KIRREL3: variants seen among roughly 807,000 people sequenced by gnomAD.
KIRREL3 encodes the protein kirre like nephrin family adhesion molecule 3, also known as kin of IRRE-like protein 3.
Under a neutral mutation model 89.7 loss-of-function variants are expected in KIRREL3, and 36 were observed. The observed-to-expected ratio is 0.40, with a 90% CI of 0.31 to 0.53. The LOEUF is 0.53. Among genes scored for constraint, KIRREL3 ranks in the 20% least tolerant of loss-of-function variants. The pLI is 0.49. For synonymous variants in KIRREL3, 445 were observed against 441.4 expected, an observed-to-expected ratio of 1.01 and a Z score of -0.10; for missense variants, 864 against 1,056.6, an observed-to-expected ratio of 0.82 and a Z score of 2.53.
In KIRREL3 at chr11:126,464,635, G is replaced by A. The variant is rs145371606; in HGVS notation, c.592-1328C>T. Among the ~76,000 whole-genome samples the A allele has an allele frequency of 1.7e-3, 263 of 152,250 alleles. 1 individual carries two copies. Among genetic ancestry groups the A allele is most frequent in the African/African-American group, 5.9e-3 (247 of 41,548 alleles). On this transcript the variant is annotated intron_variant, in intron 5 of 16. Transcript: ENST00000525144. The stretch of plus-strand genomic sequence containing the variant: ...AAGAGGAGGATGAGGAGAAGACAGA[G>A]AGAAACAGAGAAGGCCAGGTGAAGG...
intron 1 of KIRREL3, among the ~76,000 whole-genome samples, chr11:126,659,530 C>T (rs1206845886): frequency 6.6e-6 from 1 of 152,238 alleles, no homozygotes; most frequent in Non-Finnish European, 1.5e-5. Flanking sequence ...AAGACTGTCT[C>T]ACCCTGTGTG....
At chr11:126,827,612 C>A (rs1421087467) in intron 1 of KIRREL3, among the ~76,000 whole-genome samples, 8 of 152,154 alleles carry the variant, frequency 5.3e-5, no homozygotes, top group African/African-American at 1.9e-4. Flanking sequence ...GAAAATAAGT[C>A]TAAAGGATTT....
intron 1 of KIRREL3, among the ~76,000 whole-genome samples, chr11:126,722,228 T>G (rs913923151): frequency 1.3e-5 from 2 of 152,194 alleles, no homozygotes; most frequent in Non-Finnish European, 2.9e-5. Flanking sequence ...CATGGCAGAG[T>G]CATTCCACCC....
In KIRREL3 at chr11:126,656,285, C is replaced by A; in HGVS notation, c.56-93373G>T. 2.7e-6 allele frequency: 1 copy of A among 367,112 alleles called. No individual in the cohort carries two copies. The highest frequency in any genetic ancestry group is 5.6e-6 in the Non-Finnish European group (1 of 179,274). The allele number at this position is 367,112 out of a possible 1,614,324, so 22.7% of individuals were successfully genotyped here. ...AGGCTGGTTTCTTAACCATAACCTCCATGATTCAGTTTCTTCATTTGCAAA... is the reference window on the plus strand; with the variant it reads ...AGGCTGGTTTCTTAACCATAACCTCAATGATTCAGTTTCTTCATTTGCAAA... On this transcript the variant is annotated intron_variant, in intron 1 of 16. Transcript: ENST00000525144. The surrounding 1 kb of genome is among the most constrained non-coding windows in gnomAD (Gnocchi z 4.0).
chr11:126,714,067 G>A (rs1379677509), intron 1 of KIRREL3, among the ~76,000 whole-genome samples: 2 of 152,142 alleles, frequency 1.3e-5, no homozygotes, highest in Admixed American at 6.5e-5. Flanking sequence ...GGGCTGGGGA[G>A]GGGAAAGGGA....
chr11:126,663,607 G>A (rs1261525210), intron 1 of KIRREL3, among the ~76,000 whole-genome samples: 2 of 152,188 alleles, frequency 1.3e-5, no homozygotes, highest in African/African-American at 4.8e-5. Context: ...ATGCTTCTGT[G>A]CTTTCCTGGA....
At chr11:126,426,234 G>A (rs1954937279) in intron 15 of KIRREL3, among the ~76,000 whole-genome samples, 1 of 152,262 alleles carries the variant, frequency 6.6e-6, no homozygotes, top group African/African-American at 2.4e-5. Context: ...GCCTAGTGCA[G>A]GCCTTAGGGA....
Position 126,809,758 on chromosome 11 carries a change from C to A in KIRREL3, c.55+190697G>T, listed in dbSNP as rs138951035. Among the ~76,000 whole-genome samples, 636 of 152,270 alleles carry A rather than the reference C, an allele frequency of 4.2e-3. 2 individuals carry two copies. Among genetic ancestry groups the A allele is most frequent in the African/African-American group, 0.014 (599 of 41,562 alleles). ...TCCCTGCCTCTAGAGAAGAGATTTG[C>A]CCTCTCCAAGATCTACATGGCCAGT... On this transcript the variant is annotated intron_variant, in intron 1 of 16. Coordinates refer to ENST00000525144, the MANE Select transcript of KIRREL3 (RefSeq NM_032531.4).
At chr11:126,753,340 C>G (rs2134249185) in intron 1 of KIRREL3, among the ~76,000 whole-genome samples, 1 of 152,306 alleles carries the variant, frequency 6.6e-6, no homozygotes, top group Middle Eastern at 3.4e-3. Context: ...CAGAACCAGA[C>G]AGGAGGGTGC....
rs143242185 is a variant in KIRREL3, at chr11:126,645,527, G to A, written c.56-82615C>T. Among the ~76,000 whole-genome samples, 261 of 152,304 alleles carry A rather than the reference G, an allele frequency of 1.7e-3. 1 individual carries two copies. Among genetic ancestry groups the A allele is most frequent in the African/African-American group, 6.1e-3 (254 of 41,546 alleles). On this transcript the variant is annotated intron_variant, in intron 1 of 16. Transcript: ENST00000525144. The surrounding 1 kb of genome is among the most constrained non-coding windows in gnomAD (Gnocchi z 4.9). ...ATGAAAGAATTCATGAGTAATAGCC[G>A]GGCATAAATCAGAATATGCACTTGA...
Position 126,791,999 on chromosome 11 carries a change from AT to A in KIRREL3, c.55+208455del, listed in dbSNP as rs1468556448. Among the ~76,000 whole-genome samples, 1 of 152,046 alleles carries A rather than the reference AT, an allele frequency of 6.6e-6. No homozygotes were observed. The highest frequency in any genetic ancestry group is 2.4e-5 in the African/African-American group (1 of 41,390). ...TCTTCTCTGTATGCCACTTTTCCCC[AT>A]TTCCTGGTGCCTCTGCCGACCTTCC... On this transcript the variant is annotated intron_variant, in intron 1 of 16. Coordinates refer to ENST00000525144, the MANE Select transcript of KIRREL3 (RefSeq NM_032531.4). This position sits in a 1 kb window ranked among gnomAD's most constrained non-coding sequence, Gnocchi z 4.8.
intron 1 of KIRREL3, among the ~76,000 whole-genome samples, chr11:126,863,820 T>A (rs1049693441): frequency 6.6e-6 from 1 of 152,164 alleles, no homozygotes; most frequent in Non-Finnish European, 1.5e-5. Context: ...GAACCCCAAG[T>A]AGGTGGTATT....
At chr11:126,885,129 C>T (rs1009567) in intron 1 of KIRREL3, among the ~76,000 whole-genome samples, 93,734 of 152,018 alleles carry the variant, frequency 0.62, 30,429 homozygotes, top group African/African-American at 0.82. Context: ...ATGATGCCCA[C>T]AGATGGCCAT....
rs2134337882 is a variant in KIRREL3, at chr11:126,491,373, T to A, written c.434-17907A>T. 6.6e-6 allele frequency among the ~76,000 whole-genome samples: 1 copy of A among 152,280 alleles called. No individual in the cohort carries two copies. Among genetic ancestry groups the A allele is most frequent in the East Asian group, 1.9e-4 (1 of 5,158 alleles). On this transcript the variant is annotated intron_variant, in intron 4 of 16. Coordinates refer to ENST00000525144, the MANE Select transcript of KIRREL3 (RefSeq NM_032531.4). This position sits in a 1 kb window ranked among gnomAD's most constrained non-coding sequence, Gnocchi z 5.5. ...TTGTGTGATGGGTGGGGACACTTGC[T>A]CTCAGGGGGAAAGAAAGCGCCCTCT...
chr11:126,672,841 A>G (rs1002980686), intron 1 of KIRREL3, among the ~76,000 whole-genome samples: 1 of 152,222 alleles, frequency 6.6e-6, no homozygotes, highest in African/African-American at 2.4e-5. Flanking sequence ...CTAACAATCT[A>G]GTTAATTAAC....
At chr11:126,957,377 T>C (rs1356264550) in intron 1 of KIRREL3, among the ~76,000 whole-genome samples, 3 of 152,220 alleles carry the variant, frequency 2.0e-5, no homozygotes, top group Non-Finnish European at 4.4e-5. Flanking sequence ...GAAATTGAAA[T>C]GTCCAGGGGT....
Position 126,843,212 on chromosome 11 carries a change from C to T in KIRREL3, c.55+157243G>A, listed in dbSNP as rs1049946265. ...ATACGGTCTCTGAGCAAGACAAAAACAAGAAAAAAACACTAATGGAAAACC... is the reference window on the plus strand; with the variant it reads ...ATACGGTCTCTGAGCAAGACAAAAATAAGAAAAAAACACTAATGGAAAACC... On this transcript the variant is annotated intron_variant, in intron 1 of 16. Coordinates refer to ENST00000525144, the MANE Select transcript of KIRREL3 (RefSeq NM_032531.4). The surrounding 1 kb of genome is among the most constrained non-coding windows in gnomAD (Gnocchi z 4.6). Among the ~76,000 whole-genome samples, 1 of 152,056 alleles carries T rather than the reference C, an allele frequency of 6.6e-6. No individual in the cohort carries two copies. The highest frequency in any genetic ancestry group is 1.5e-5 in the Non-Finnish European group (1 of 68,006).
At chr11:126,944,715 G>A (rs536078066) in intron 1 of KIRREL3, among the ~76,000 whole-genome samples, 4 of 152,296 alleles carry the variant, frequency 2.6e-5, no homozygotes, top group Admixed American at 2.0e-4. Context: ...CCTGGGGAGA[G>A]TGACACCAGC....
At position 126,696,079 on chromosome 11, in the gene KIRREL3, C is replaced by T. The variant is rs1332194080; in HGVS notation, c.56-133167G>A. Among the ~76,000 whole-genome samples the T allele has an allele frequency of 6.6e-6, 1 of 151,894 alleles. No individual in the cohort carries two copies. The highest frequency in any genetic ancestry group is 1.5e-5 in the Non-Finnish European group (1 of 67,986). ...GACCAGCCTGACCAACATGGTGAAA[C>T]CCCATCTCTACTAAAAATACAAAAA... is the stretch of plus-strand genomic sequence containing the variant. On this transcript the variant is annotated intron_variant, in intron 1 of 16. Coordinates refer to ENST00000525144, the MANE Select transcript of KIRREL3 (RefSeq NM_032531.4). This position sits in a 1 kb window ranked among gnomAD's most constrained non-coding sequence, Gnocchi z 4.4.
Sources: allele counts gnomAD v4.1 joint callset (sites outside exome capture counted in the v4.1 genomes callset), GRCh38; gene constraint gnomAD v4.1.1; non-coding constraint Gnocchi (gnomAD v3.1); transcripts MANE v1.5; gene names NCBI Gene and HGNC (gene_info 2026-07-23, HGNC 2026-07-21).